The following KLRG2 variants were observed in gnomAD, a reference collection of about 807,000 sequenced individuals.
KLRG2 encodes the protein killer cell lectin like receptor G2.
KLRG2 carries 39 observed loss-of-function variants against 35.4 expected under a neutral mutation model. The observed-to-expected ratio is 1.10, with a 90% CI of 0.85 to 1.44. KLRG2 has a LOEUF of 1.44. Among genes scored for constraint, KLRG2 ranks in the 40% most tolerant of loss-of-function variants. The probability of loss-of-function intolerance (pLI) is 0.00; values close to 1 mark genes in which losing one functional copy is unlikely to be tolerated. For missense variants in KLRG2, 632 were observed against 570.9 expected (o/e 1.11, Z -1.09); for synonymous variants, 283 against 265.8 (o/e 1.06, Z -0.63).
chr7:139,440,212 C>G, the KLRG2 span, among the ~76,000 whole-genome samples: 1 of 152,014 alleles, frequency 6.6e-6, no homozygotes, highest in Non-Finnish European at 1.5e-5. Flanking sequence ...CAGGTTCGGG[C>G]AATTCTTGTG....
chr7:139,460,034 G>A (rs1796542188), intron 3 of KLRG2, among the ~76,000 whole-genome samples: 1 of 152,132 alleles, frequency 6.6e-6, no homozygotes, highest in African/African-American at 2.4e-5. Context: ...ACAGGTGTGA[G>A]CCCCCGCGCC....
intron 3 of KLRG2, among the ~76,000 whole-genome samples, chr7:139,465,550 G>T (rs1796637498): frequency 6.6e-6 from 1 of 152,136 alleles, no homozygotes; most frequent in African/African-American, 2.4e-5. Flanking sequence ...AAATTAGCCA[G>T]GCATGGTGGC....
chr7:139,454,819 A>AAAT (rs34409730), intron 3 of KLRG2, among the ~76,000 whole-genome samples: 21,278 of 140,268 alleles, frequency 0.15, 1,983 homozygotes, highest in Non-Finnish European at 0.21. Flanking sequence ...TTCTATCTCA[A>AAAT]AATAATAATA....
chr7:139,469,839 G>A (rs770703082), intron 3 of KLRG2, among the ~76,000 whole-genome samples: 1 of 152,214 alleles, frequency 6.6e-6, no homozygotes, highest in South Asian at 2.1e-4. Flanking sequence ...GGACCCTGAG[G>A]CCCGGCCATG....
the KLRG2 span, among the ~76,000 whole-genome samples, chr7:139,429,792 C>T: frequency 6.6e-6 from 1 of 152,194 alleles, no homozygotes; most frequent in East Asian, 1.9e-4. Flanking sequence ...ACACGGCAAC[C>T]ATTCGATTTC....
intron 3 of KLRG2, among the ~76,000 whole-genome samples, chr7:139,469,489 G>A (rs1038231559): frequency 9.9e-5 from 15 of 151,462 alleles, no homozygotes; most frequent in Non-Finnish European, 1.3e-4. Context: ...ACAGAGTTTC[G>A]CTCCGTCACC....
rs1378163470 is a variant in KLRG2, at chr7:139,452,820, TTC to T, written c.*765_*766del. The stretch of plus-strand genomic sequence containing the variant: ...AGAGCTGCCTGGAACGTGCCTGCAT[TTC>T]TCTGATTTCCTTTTTCACTCAGACT... On this transcript the variant is annotated 3_prime_UTR_variant, in exon 5 of 5. Transcript: ENST00000340940. The T allele has an allele frequency of 4.6e-5, 7 of 152,332 alleles. No individual in the cohort carries two copies. The highest frequency in any genetic ancestry group is 1.7e-4 in the African/African-American group (7 of 41,406). The allele number at this position is 152,332 out of a possible 1,614,324, so 9.4% of individuals were successfully genotyped here.
At chr7:139,479,231 C>T (rs1311728501) in intron 3 of KLRG2, among the ~76,000 whole-genome samples, 6 of 152,086 alleles carry the variant, frequency 3.9e-5, no homozygotes, top group Non-Finnish European at 7.4e-5. Flanking sequence ...TACAGGCGCC[C>T]GCCACCATGT....
intron 3 of KLRG2, among the ~76,000 whole-genome samples, chr7:139,455,523 G>A (rs530848222): frequency 3.3e-4 from 50 of 151,970 alleles, no homozygotes; most frequent in East Asian, 1.6e-3. Context: ...GGGTTTCACC[G>A]TGTTAGCCAA....
the KLRG2 span, among the ~76,000 whole-genome samples, chr7:139,437,488 G>A: frequency 0.014 from 2,106 of 149,532 alleles, 58 homozygotes; most frequent in African/African-American, 0.049. Context: ...ACAGAGTCTC[G>A]CTCTGTTGCC....
At chr7:139,455,564 G>A (rs184928064) in intron 3 of KLRG2, among the ~76,000 whole-genome samples, 9 of 150,642 alleles carry the variant, frequency 6.0e-5, no homozygotes, top group Admixed American at 3.3e-4. Context: ...CTCGTGATCC[G>A]CCTGCCTCGG....
intron 3 of KLRG2, among the ~76,000 whole-genome samples, chr7:139,469,114 C>T (rs183341765): frequency 1.2e-4 from 18 of 152,300 alleles, no homozygotes; most frequent in Admixed American, 8.5e-4. Context: ...AACCAGTCTG[C>T]AGTATTTTGC....
Position 139,480,250 on chromosome 7 carries a change from G to A in KLRG2, c.758-3C>T. The A allele has an allele frequency of 6.4e-7, 1 of 1,557,964 alleles. No homozygotes were observed. The highest frequency in any genetic ancestry group is 1.4e-5 in the African/African-American group (1 of 73,762). On this transcript the variant is annotated splice_region_variant and splice_polypyrimidine_tract_variant and intron_variant, in intron 1 of 4. Coordinates refer to ENST00000340940, the MANE Select transcript of KLRG2 (RefSeq NM_198508.4). ...GGACTTCACGTACATGGGTAGCCCT[G>A]GGACGGGGGCAAACAGGATAATCAG...
intron 3 of KLRG2, among the ~76,000 whole-genome samples, chr7:139,469,989 A>G: frequency 6.6e-6 from 1 of 152,224 alleles, no homozygotes; most frequent in East Asian, 1.9e-4. Context: ...ACCAAAGGAA[A>G]GAGCTCCTAC....
the KLRG2 span, among the ~76,000 whole-genome samples, chr7:139,429,368 G>C: frequency 7.1e-6 from 1 of 141,438 alleles, no homozygotes; most frequent in Non-Finnish European, 1.5e-5. Context: ...ATATATGGGT[G>C]TTTTTCTTTT....
At chr7:139,430,104 G>GA in the KLRG2 span, among the ~76,000 whole-genome samples, 1 of 152,208 alleles carries the variant, frequency 6.6e-6, no homozygotes, top group Non-Finnish European at 1.5e-5. Flanking sequence ...TGCTCATTAT[G>GA]AAATGAAAGT....
chr7:139,476,521 A>G (rs888676752), intron 3 of KLRG2, among the ~76,000 whole-genome samples: 7 of 151,692 alleles, frequency 4.6e-5, no homozygotes, highest in African/African-American at 1.5e-4. Context: ...GGCTCACTGC[A>G]TCCTGTCTTC....
intron 3 of KLRG2, among the ~76,000 whole-genome samples, chr7:139,475,235 T>C (rs1343414047): frequency 6.6e-6 from 1 of 151,826 alleles, no homozygotes; most frequent in African/African-American, 2.4e-5. Context: ...GGAAGGTGAG[T>C]GAGAACTTGT....
the KLRG2 span, among the ~76,000 whole-genome samples, chr7:139,444,090 C>T: frequency 6.6e-6 from 1 of 152,156 alleles, no homozygotes; most frequent in East Asian, 1.9e-4. Flanking sequence ...AGATGAAGGC[C>T]AGAAGCCTCA....
Sources: gnomAD v4.1 joint callset for allele counts (sites outside exome capture counted in the v4.1 genomes callset) on GRCh38, gnomAD v4.1.1 for gene constraint, MANE v1.5 for transcripts, NCBI Gene and HGNC (gene_info 2026-07-23, HGNC 2026-07-21) for gene names.